Variants in FAM216A observed in about 807,000 individuals in gnomAD.
FAM216A encodes family with sequence similarity 216 member A.
FAM216A carries 26 observed loss-of-function variants against 37.6 expected under a neutral mutation model. The ratio of observed to expected loss-of-function variants is 0.69; its 90% CI spans 0.51 to 0.96. FAM216A has a LOEUF of 0.96. Ranked by LOEUF, FAM216A falls within the 40% of genes least tolerant of loss-of-function variation. The pLI, the probability that FAM216A is intolerant of heterozygous loss-of-function variation, is 0.00. For synonymous variants in FAM216A, 110 were observed against 121.7 expected (o/e 0.90, Z 0.64); for missense variants, 326 against 339.3 (o/e 0.96, Z 0.31).
intron 2 of FAM216A, among the ~76,000 whole-genome samples, chr12:110,477,970 G>A (rs922559445): frequency 5.9e-5 from 9 of 152,160 alleles, no homozygotes; most frequent in Admixed American, 4.6e-4. Flanking sequence ...GCCTCCCAAA[G>A]TGCTGGGATT....
chr12:110,488,881 GTC>G (rs1319070156), intron 6 of FAM216A, among the ~76,000 whole-genome samples: 3 of 152,132 alleles, frequency 2.0e-5, no homozygotes, highest in Non-Finnish European at 2.9e-5. Context: ...TGTGAATGTG[GTC>G]TCTCTCAAAA....
intron 5 of FAM216A, chr12:110,487,598 T>A (rs1374314372): frequency 3.4e-5 from 12 of 356,536 alleles, no homozygotes; most frequent in Non-Finnish European, 6.1e-5. Flanking sequence ...GCAAATACTT[T>A]CAAAAGGAGA....
chr12:110,488,538 C>T (rs1277746373), intron 6 of FAM216A, among the ~76,000 whole-genome samples: 2 of 152,014 alleles, frequency 1.3e-5, no homozygotes, highest in South Asian at 2.1e-4. Context: ...AGAATGAATT[C>T]GTCTGAACCC....
chr12:110,469,634 C>G (rs535102740), intron 1 of FAM216A, among the ~76,000 whole-genome samples: 1 of 151,922 alleles, frequency 6.6e-6, no homozygotes, highest in Non-Finnish European at 1.5e-5. Context: ...CTCAGCCTCC[C>G]GAGTAGCTGG....
In FAM216A at chr12:110,469,013, C is replaced by T. The variant is rs1316906569; in HGVS notation, c.138C>T (p.Gly46=). The change falls in exon 1 of 7, where the codon GGC becomes GGT. Residue 46 remains glycine, a synonymous_variant. Coordinates refer to ENST00000377673, the MANE Select transcript of FAM216A (RefSeq NM_013300.3). ...CTGTGGCCGGGACCGAGGGTGGCGG[C>T]GGCGGGTGAGGTTGGGGGCCCCGGG... The part of the protein sequence containing the change: ...PPAVAGTEGG[G]GGSAGYSCYQ... The T allele has an allele frequency of 1.4e-5, 21 of 1,471,102 alleles. 2 individuals carry two copies. The South Asian group carries it at 2.7e-4, about 19-fold the overall frequency. The allele number at this position is 1,471,102 out of a possible 1,614,324, so 91.1% of individuals were successfully genotyped here. A position where few individuals can be genotyped will look rare whatever the true frequency, so the allele number is the denominator to read the frequency against.
intron 1 of FAM216A, 73 bp from the exon 2 acceptor site, chr12:110,473,000 AAAAAT>A: frequency 1.6e-5 from 10 of 620,084 alleles, no homozygotes; most frequent in Admixed American, 6.9e-5. Context: ...AAAAAAAAAA[AAAAAT>A]TGAAATATGT....
At chr12:110,475,809 T>C (rs1325633076) in intron 2 of FAM216A, among the ~76,000 whole-genome samples, 1 of 151,824 alleles carries the variant, frequency 6.6e-6, no homozygotes, top group Non-Finnish European at 1.5e-5. Context: ...TACAATCGGC[T>C]CACTGCAGCC....
intron 6 of FAM216A, among the ~76,000 whole-genome samples, chr12:110,488,524 G>C (rs1342099356): frequency 6.6e-6 from 1 of 152,074 alleles, no homozygotes; most frequent in African/African-American, 2.4e-5. Flanking sequence ...CAAAGACTTA[G>C]TAGAGAATGA....
At chr12:110,470,440 G>C (rs1193534003) in intron 1 of FAM216A, among the ~76,000 whole-genome samples, 1 of 150,500 alleles carries the variant, frequency 6.6e-6, no homozygotes, top group Non-Finnish European at 1.5e-5. Flanking sequence ...GTCCTTGGCC[G>C]ACTGCAGGAT....
At chr12:110,487,796 T>G in intron 5 of FAM216A, 65 bp from the exon 6 acceptor site, 1 of 962,868 alleles carries the variant, frequency 1.0e-6, no homozygotes, top group South Asian at 1.4e-5. Flanking sequence ...TTGTGTGGTC[T>G]TCCACATGCC....
chr12:110,469,014 G>A lies in FAM216A; in HGVS notation c.139G>A (p.Gly47Ser). The change falls in exon 1 of 7, where the codon GGC becomes AGC. Residue 47 changes from glycine (G) to serine (S), a missense_variant. Transcript: ENST00000377673. ...PAVAGTEGGGGGSAGYSCYQN... is the reference protein window; with the variant it reads ...PAVAGTEGGGSGSAGYSCYQN... ...TGTGGCCGGGACCGAGGGTGGCGGC[G>A]GCGGGTGAGGTTGGGGGCCCCGGGG... 2 of 1,473,422 alleles carry A rather than the reference G, an allele frequency of 1.4e-6. No homozygotes were observed. Among genetic ancestry groups the A allele is most frequent in the South Asian group, 1.3e-5 (1 of 76,934 alleles). 91.3% of individuals were successfully genotyped at this position (1,473,422 alleles called of 1,614,324 possible). A position where few individuals can be genotyped will look rare whatever the true frequency, so the allele number is the denominator to read the frequency against.
At chr12:110,484,158 G>A (rs1299012058) in intron 2 of FAM216A, among the ~76,000 whole-genome samples, 2 of 151,878 alleles carry the variant, frequency 1.3e-5, no homozygotes, top group Admixed American at 6.6e-5. Context: ...GCCGGGCGCC[G>A]TGGCTCACGC....
intron 2 of FAM216A, among the ~76,000 whole-genome samples, chr12:110,474,083 T>A (rs2062702105): frequency 6.6e-6 from 1 of 152,210 alleles, no homozygotes; most frequent in Non-Finnish European, 1.5e-5. Context: ...GGGAAAAAAA[T>A]ATACAGACAT....
At chr12:110,482,112 C>G (rs1421289331) in intron 2 of FAM216A, among the ~76,000 whole-genome samples, 2 of 151,234 alleles carry the variant, frequency 1.3e-5, no homozygotes, top group Non-Finnish European at 2.9e-5. Context: ...GACAGAGTCT[C>G]ACTCTGTCAC....
intron 5 of FAM216A, chr12:110,487,008 G>C (rs2062781249): frequency 3.1e-6 from 1 of 319,596 alleles, no homozygotes; most frequent in Non-Finnish European, 5.8e-6. Flanking sequence ...TGGGATTACA[G>C]GCGTGAGCTA....
intron 3 of FAM216A, among the ~76,000 whole-genome samples, chr12:110,485,943 G>A (rs917105991): frequency 3.3e-5 from 5 of 152,176 alleles, no homozygotes; most frequent in African/African-American, 1.2e-4. Flanking sequence ...CTTCAGTTGA[G>A]ACTAAGTAGA....
rs186596034 is a variant in FAM216A at position 110,474,628 on chromosome 12, G to A, written c.184+1510G>A. Among the ~76,000 whole-genome samples the A allele has an allele frequency of 3.4e-3, 497 of 147,684 alleles. 2 individuals carry two copies. Among genetic ancestry groups the A allele is most frequent in the African/African-American group, 0.012 (471 of 39,808 alleles). On this transcript the variant is annotated intron_variant, in intron 2 of 6. Coordinates refer to ENST00000377673, the MANE Select transcript of FAM216A (RefSeq NM_013300.3). ...AATCACTTCAACTCAGGAGGCGGAG[G>A]TTGCAGTGAGCTAAGATCATGCCAC...
Position 110,468,849 on chromosome 12 carries a change from T to C in FAM216A, c.-27T>C, listed in dbSNP as rs1245704336. ...CCGCCTCTCCGGAATACCAGCAGCC[T>C]GACGCACGCGTGCTGTCGGGGGAGG... is the stretch of plus-strand genomic sequence containing the variant. On this transcript the variant is annotated 5_prime_UTR_variant, in exon 1 of 7. Transcript: ENST00000377673. The C allele has an allele frequency of 3.4e-6, 5 of 1,482,272 alleles. No homozygotes were observed. The highest frequency in any genetic ancestry group is 2.5e-5 in the East Asian group (1 of 40,058). 91.8% of individuals were successfully genotyped at this position (1,482,272 alleles called of 1,614,324 possible). A position where few individuals can be genotyped will look rare whatever the true frequency, so the allele number is the denominator to read the frequency against.
chr12:110,471,524 C>T (rs543878139), intron 1 of FAM216A, among the ~76,000 whole-genome samples: 18 of 152,270 alleles, frequency 1.2e-4, no homozygotes, highest in African/African-American at 4.1e-4. Context: ...TACAGAGCAG[C>T]TCTATCACTC....
Sources: allele counts gnomAD v4.1 joint callset (sites outside exome capture counted in the v4.1 genomes callset), GRCh38; gene constraint gnomAD v4.1.1; transcripts MANE v1.5; gene names NCBI Gene and HGNC (gene_info 2026-07-23, HGNC 2026-07-21).